The following PDE3B variants were observed in gnomAD, a reference collection of about 807,000 sequenced individuals.
PDE3B encodes cGMP-inhibited 3',5'-cyclic phosphodiesterase 3B.
A neutral mutation model predicts 116.8 loss-of-function variants in PDE3B; 66 were observed. The observed-to-expected ratio is 0.56, with a 90% confidence interval of 0.46 to 0.69. The LOEUF (loss-of-function observed/expected upper bound fraction) is 0.69, where lower values mean the gene tolerates loss of function less well. PDE3B is among the 30% of genes least tolerant of loss of function. PDE3B has a pLI of 0.00. For synonymous variants in PDE3B, 595 were observed against 533.6 expected (o/e 1.12, Z -1.59); for missense variants, 1,384 against 1,368.1 (o/e 1.01, Z -0.18).
At position 14,774,376 on chromosome 11, in the gene PDE3B, T is replaced by A. The variant is rs181942410; in HGVS notation, c.1029+2389T>A. Reference sequence around the variant, plus strand: ...GGCTAATTAATATGTGCCTGGTACTTAATACAAATGTGGGCCAATATTATA... The same window carrying A: ...GGCTAATTAATATGTGCCTGGTACTAAATACAAATGTGGGCCAATATTATA... On this transcript the variant is annotated intron_variant, in intron 2 of 15. Transcript: ENST00000282096. The A allele has an allele frequency of 2.0e-5, 3 of 152,290 alleles. No individual in the cohort carries two copies. The East Asian group carries it at 5.8e-4, about 29-fold the overall frequency. 9.4% of individuals were successfully genotyped at this position (152,290 alleles called of 1,614,324 possible).
chr11:14,733,314 C>A (rs1020934131), intron 1 of PDE3B, among the ~76,000 whole-genome samples: 2 of 152,066 alleles, frequency 1.3e-5, no homozygotes, highest in African/African-American at 4.8e-5. Flanking sequence ...CAATAAGCTC[C>A]GATTCTTATT....
At position 14,717,854 on chromosome 11, in the gene PDE3B, T is replaced by C. The variant is rs1374348720; in HGVS notation, c.979-54083T>C. 8.3e-4 allele frequency among the ~76,000 whole-genome samples: 107 copies of C among 129,452 alleles called. 1 individual carries two copies. Among genetic ancestry groups the C allele is most frequent in the Middle Eastern group, 4.1e-3 (1 of 244 alleles). 84.9% of individuals were successfully genotyped at this position (129,452 alleles called of 152,430 possible). On this transcript the variant is annotated intron_variant, in intron 1 of 15. Transcript: ENST00000282096. ...AAGACCATCGAGACTAGGAAGAAACTGCATCAACTAATGAGCAAAATCACC... is the reference window on the plus strand; with the variant it reads ...AAGACCATCGAGACTAGGAAGAAACCGCATCAACTAATGAGCAAAATCACC...
rs187291983 is a variant in PDE3B, at chr11:14,699,943, G to A, written c.978+54890G>A. ...TTTTGAAATTGCTATCTCAGTGGCA[G>A]TATTTCTTGACAAATACAGTATTGA... On this transcript the variant is annotated intron_variant, in intron 1 of 15. Coordinates refer to ENST00000282096, the MANE Select transcript of PDE3B (RefSeq NM_000922.4). 1.9e-3 allele frequency among the ~76,000 whole-genome samples: 285 copies of A among 151,856 alleles called. 1 individual carries two copies. Among genetic ancestry groups the A allele is most frequent in the African/African-American group, 6.5e-3 (269 of 41,530 alleles).
intron 4 of PDE3B, among the ~76,000 whole-genome samples, chr11:14,801,027 C>T (rs578116906): frequency 2.0e-5 from 3 of 152,220 alleles, no homozygotes; most frequent in South Asian, 4.1e-4. Flanking sequence ...CTTCTCTACA[C>T]TGATTATTCT....
intron 1 of PDE3B, among the ~76,000 whole-genome samples, chr11:14,702,604 ACTGT>A (rs1855399023): frequency 6.6e-6 from 1 of 151,828 alleles, no homozygotes; most frequent in Admixed American, 6.6e-5. Context: ...GTAGAACTGC[ACTGT>A]CTAATACTAA....
intron 1 of PDE3B, among the ~76,000 whole-genome samples, chr11:14,726,876 G>T (rs747574766): frequency 6.6e-6 from 1 of 152,154 alleles, no homozygotes; most frequent in Non-Finnish European, 1.5e-5. Flanking sequence ...AAGTCTTGCT[G>T]TGAAGAACAG....
chr11:14,722,910 A>G (rs1262878998), intron 1 of PDE3B, among the ~76,000 whole-genome samples: 2 of 152,220 alleles, frequency 1.3e-5, no homozygotes, highest in Middle Eastern at 3.2e-3. Flanking sequence ...GTTAAATGAT[A>G]AATAGATACA....
At chr11:14,822,183 A>C (rs1266119427) in intron 7 of PDE3B, among the ~76,000 whole-genome samples, 3 of 152,136 alleles carry the variant, frequency 2.0e-5, no homozygotes, top group African/African-American at 7.2e-5. Flanking sequence ...GATTATAGGT[A>C]TGAGCTGTTA....
At chr11:14,678,077 C>T (rs536144154) in intron 1 of PDE3B, among the ~76,000 whole-genome samples, 20 of 152,038 alleles carry the variant, frequency 1.3e-4, no homozygotes, top group Non-Finnish European at 2.4e-4. Context: ...TACAGGCATG[C>T]ACCACCACGC....
intron 11 of PDE3B, among the ~76,000 whole-genome samples, chr11:14,839,204 T>C (rs559810648): frequency 6.6e-6 from 1 of 152,232 alleles, no homozygotes; most frequent in African/African-American, 2.4e-5. Context: ...ATGTATAGTT[T>C]GAGTAAACAT....
At chr11:14,885,645 T>C in the PDE3B span, 1 of 966,966 alleles carries the variant, frequency 1.0e-6, no homozygotes, top group Non-Finnish European at 1.6e-6. Flanking sequence ...CCTCAAATAC[T>C]AGGTTCTGTA....
intron 1 of PDE3B, chr11:14,673,695 A>G: frequency 4.0e-6 from 3 of 740,944 alleles, no homozygotes; most frequent in South Asian, 4.0e-5. Context: ...ATAATTCAGT[A>G]ATTAAGCAAG....
chr11:14,665,661 A>T (rs544260879), intron 1 of PDE3B, among the ~76,000 whole-genome samples: 1 of 152,358 alleles, frequency 6.6e-6, no homozygotes, highest in South Asian at 2.1e-4. Flanking sequence ...GTGAACTCCC[A>T]TTCACAATTG....
chr11:14,774,938 T>C (rs1857740934), intron 2 of PDE3B: 1 of 152,174 alleles, frequency 6.6e-6, no homozygotes, highest in African/African-American at 2.4e-5. Flanking sequence ...CCCAAACAAG[T>C]CAGACAGGCT....
At position 14,644,823 on chromosome 11, in the gene PDE3B, G is replaced by T. The variant is rs766103990; in HGVS notation, c.748G>T (p.Gly250Cys). 11 of 1,612,080 alleles carry T rather than the reference G, an allele frequency of 6.8e-6. No individual in the cohort carries two copies. Among genetic ancestry groups the T allele is most frequent in the Non-Finnish European group, 5.9e-6 (7 of 1,179,040 alleles). ...CTCCGCCCTCAGGCCGCTGCTCTCC[G>T]GCCTGGTGGGGGGCGCTGGCTGCCT... The part of the protein sequence containing the change: ...LPSALRPLLS[G>C]LVGGAGCLLA... The change falls in exon 1 of 16, where the codon GGC becomes TGC. Residue 250 changes from glycine (G) to cysteine (C), a missense_variant. Around this residue, in one of 2 missense-constraint regions of PDE3B, gnomAD observed 956 missense variants for 806.8 expected, o/e 1.18. Coordinates refer to ENST00000282096, the MANE Select transcript of PDE3B (RefSeq NM_000922.4).
At chr11:14,662,481 A>C (rs1224627041) in intron 1 of PDE3B, among the ~76,000 whole-genome samples, 1 of 152,078 alleles carries the variant, frequency 6.6e-6, no homozygotes, top group African/African-American at 2.4e-5. Context: ...GAGTTGAGAG[A>C]AGAAGGCTTC....
At chr11:14,895,126 C>T in the PDE3B span, among the ~76,000 whole-genome samples, 8 of 152,312 alleles carry the variant, frequency 5.3e-5, no homozygotes, top group South Asian at 1.7e-3. Flanking sequence ...TCCTGGGGTC[C>T]CTTTCTGTTC....
At chr11:14,819,688 G>C (rs1859454519) in intron 7 of PDE3B, among the ~76,000 whole-genome samples, 1 of 152,046 alleles carries the variant, frequency 6.6e-6, no homozygotes, top group Non-Finnish European at 1.5e-5. Flanking sequence ...AGTTAACTAA[G>C]TAACTCAGAC....
At chr11:14,709,666 C>T (rs1007617082) in intron 1 of PDE3B, among the ~76,000 whole-genome samples, 37 of 152,152 alleles carry the variant, frequency 2.4e-4, no homozygotes, top group African/African-American at 4.3e-4. Context: ...CTCTCTCCCC[C>T]GCACCACTAG....
Sources: allele counts gnomAD v4.1 joint callset (sites outside exome capture counted in the v4.1 genomes callset), GRCh38; gene constraint gnomAD v4.1.1; regional missense constraint gnomAD v4.1.1; transcripts MANE v1.5; gene names NCBI Gene and HGNC (gene_info 2026-07-23, HGNC 2026-07-21).